The following SHISAL1 variants were observed in gnomAD, a reference collection of about 807,000 sequenced individuals.
The protein encoded by SHISAL1 is protein shisa-like-1.
In SHISAL1, 9 loss-of-function variants were observed where a neutral mutation model predicts 22.6. The observed-to-expected ratio is 0.40, with a 90% CI of 0.24 to 0.70. The LOEUF (loss-of-function observed/expected upper bound fraction) is 0.70. Among genes scored for constraint, SHISAL1 ranks in the 30% least tolerant of loss-of-function variants. SHISAL1 has a pLI of 0.39. For synonymous variants in SHISAL1, 119 were observed against 115.4 expected, an observed-to-expected ratio of 1.03 and a Z score of -0.20; for missense variants, 246 against 270.6, an observed-to-expected ratio of 0.91 and a Z score of 0.64.
the SHISAL1 span, among the ~76,000 whole-genome samples, chr22:44,323,392 CCCATT>C: frequency 1.7e-3 from 217 of 128,582 alleles, 2 homozygotes; most frequent in African/African-American, 3.1e-3. Flanking sequence ...CATCCATCCA[CCCATT>C]CATCCATCCA....
At chr22:44,330,708 G>T in the SHISAL1 span, among the ~76,000 whole-genome samples, 1 of 151,974 alleles carries the variant, frequency 6.6e-6, no homozygotes, top group Non-Finnish European at 1.5e-5. Flanking sequence ...TACTAATAAT[G>T]ATAATAATAA....
the SHISAL1 span, among the ~76,000 whole-genome samples, chr22:44,322,287 G>A: frequency 1.3e-5 from 2 of 152,232 alleles, no homozygotes; most frequent in African/African-American, 4.8e-5. Context: ...TCCCCATCAG[G>A]TTGGGGCTCC....
At chr22:44,258,382 A>G (rs912439809) in intron 4 of SHISAL1, among the ~76,000 whole-genome samples, 15 of 152,230 alleles carry the variant, frequency 9.9e-5, no homozygotes. Context: ...AACGTGTGTC[A>G]TGGGGGTTTG....
intron 3 of SHISAL1, among the ~76,000 whole-genome samples, chr22:44,296,117 C>T (rs145595859): frequency 5.3e-5 from 8 of 152,218 alleles, no homozygotes; most frequent in Admixed American, 2.0e-4. Flanking sequence ...TATGGTAACC[C>T]TGCAAAGTGA....
At chr22:44,257,432 GT>G (rs2055092228) in intron 4 of SHISAL1, among the ~76,000 whole-genome samples, 1 of 152,130 alleles carries the variant, frequency 6.6e-6, no homozygotes, top group Admixed American at 6.5e-5. Flanking sequence ...CTGGGCATTG[GT>G]CATTGAGATT....
At chr22:44,305,922 C>T (rs1265288104) in intron 1 of SHISAL1, among the ~76,000 whole-genome samples, 1 of 152,184 alleles carries the variant, frequency 6.6e-6, no homozygotes, top group African/African-American at 2.4e-5. Flanking sequence ...CTCCCCACGC[C>T]CCCAAGGCAG....
upstream of SHISAL1, among the ~76,000 whole-genome samples, chr22:44,314,785 G>A (rs191988350): frequency 5.0e-4 from 76 of 152,160 alleles, no homozygotes; most frequent in African/African-American, 1.7e-3. Context: ...CCCTGGAGAC[G>A]GCCCAGTGGA....
At chr22:44,320,717 G>T in the SHISAL1 span, among the ~76,000 whole-genome samples, 2 of 152,176 alleles carry the variant, frequency 1.3e-5, no homozygotes, top group Non-Finnish European at 2.9e-5. Context: ...GCTGTCCGGG[G>T]CTCGACCCCT....
chr22:44,269,473 C>T lies in SHISAL1; in HGVS notation c.599+15955G>A, dbSNP rs929753096. On this transcript the variant is annotated intron_variant, in intron 4 of 4. Coordinates refer to ENST00000381176, the MANE Select transcript of SHISAL1 (RefSeq NM_001099294.2). ...ATGCCACACAGACGCCCACAACACG[C>T]GCACACACACACACACACACTCCAT... Among the ~76,000 whole-genome samples, 84 of 22,776 alleles carry T rather than the reference C, an allele frequency of 3.7e-3. 1 individual carries two copies. The highest frequency in any genetic ancestry group is 0.012 in the African/African-American group (75 of 6,232). 14.9% of individuals were successfully genotyped at this position (22,776 alleles called of 152,430 possible). A position where few individuals can be genotyped will look rare whatever the true frequency, so the allele number is the denominator to read the frequency against.
At chr22:44,309,002 C>T (rs1310892805) in intron 1 of SHISAL1, among the ~76,000 whole-genome samples, 1 of 152,218 alleles carries the variant, frequency 6.6e-6, no homozygotes, top group Admixed American at 6.5e-5. Flanking sequence ...GGAGTCTGGG[C>T]CTTTGCCCAG....
At chr22:44,281,678 T>G (rs1056405324) in intron 4 of SHISAL1, among the ~76,000 whole-genome samples, 1 of 152,264 alleles carries the variant, frequency 6.6e-6, no homozygotes, top group Non-Finnish European at 1.5e-5. Context: ...CCTCAGGGGT[T>G]GTCCTGACTA....
chr22:44,326,181 A>G, the SHISAL1 span, among the ~76,000 whole-genome samples: 10 of 152,096 alleles, frequency 6.6e-5, no homozygotes, highest in African/African-American at 2.4e-4. Context: ...GCAAATCACC[A>G]TCGTTTCCGT....
Position 44,310,237 on chromosome 22 carries a change from G to A in SHISAL1, c.-33+2514C>T, listed in dbSNP as rs575844756. Among the ~76,000 whole-genome samples the A allele has an allele frequency of 6.6e-6, 1 of 152,350 alleles. No homozygotes were observed. Among genetic ancestry groups the A allele is most frequent in the Non-Finnish European group, 1.5e-5 (1 of 68,038 alleles). On this transcript the variant is annotated intron_variant, in intron 1 of 4. Transcript: ENST00000381176. The surrounding 1 kb of genome is among the most constrained non-coding windows in gnomAD (Gnocchi z 4.0). ...TCATCTCTATGGGCAGCACAGGCCT[G>A]ACACGTAGTAGGCACTTTATAAACA...
rs1180461624 is a variant in SHISAL1, at chr22:44,246,831, AAGG to A, written c.*2851_*2853del. On this transcript the variant is annotated 3_prime_UTR_variant, in exon 5 of 5. Coordinates refer to ENST00000381176, the MANE Select transcript of SHISAL1 (RefSeq NM_001099294.2). The stretch of plus-strand genomic sequence containing the variant: ...GTGGCTCGTGGGGGTGACCTGCAGG[AAGG>A]AGGATGCCGTGGCTGTCTGCACCAG... The A allele has an allele frequency of 5.8e-5, 1 of 17,258 alleles. No individual in the cohort carries two copies. Among genetic ancestry groups the A allele is most frequent in the Non-Finnish European group, 1.4e-4 (1 of 7,016 alleles). The allele number at this position is 17,258 out of a possible 1,614,324, so 1.1% of individuals were successfully genotyped here.
the SHISAL1 span, among the ~76,000 whole-genome samples, chr22:44,330,401 T>C: frequency 1.3e-5 from 2 of 152,108 alleles, no homozygotes; most frequent in African/African-American, 4.8e-5. Flanking sequence ...TGCCTTTAAG[T>C]GACAGGTGCA....
rs373042864 is a variant in SHISAL1 at position 44,246,843 on chromosome 22, G to GC, written c.*2841_*2842insG. Reference sequence around the variant, plus strand: ...GGTGACCTGCAGGAAGGAGGATGCCGTGGCTGTCTGCACCAGGTGTGCTGG... The same window carrying GC: ...GGTGACCTGCAGGAAGGAGGATGCCGCTGGCTGTCTGCACCAGGTGTGCTGG... On this transcript the variant is annotated 3_prime_UTR_variant, in exon 5 of 5. Transcript: ENST00000381176. 2.7e-5 allele frequency: 1 copy of GC among 36,534 alleles called. No homozygotes were observed. Among genetic ancestry groups the GC allele is most frequent in the Non-Finnish European group, 5.9e-5 (1 of 16,936 alleles). The allele number at this position is 36,534 out of a possible 1,614,324, so 2.3% of individuals were successfully genotyped here. A position where few individuals can be genotyped will look rare whatever the true frequency, so the allele number is the denominator to read the frequency against.
intron 4 of SHISAL1, among the ~76,000 whole-genome samples, chr22:44,263,721 C>T (rs771984115): frequency 6.6e-6 from 1 of 152,150 alleles, no homozygotes; most frequent in African/African-American, 2.4e-5. Flanking sequence ...GGCCACAAGC[C>T]GAGGAATGTG....
chr22:44,250,910 A>C (rs1016175889), intron 4 of SHISAL1, among the ~76,000 whole-genome samples: 1 of 152,118 alleles, frequency 6.6e-6, no homozygotes, highest in Non-Finnish European at 1.5e-5. Flanking sequence ...AGCAAAGCCC[A>C]CCTCCCCAGA....
chr22:44,309,264 T>A (rs1031937690), intron 1 of SHISAL1, among the ~76,000 whole-genome samples: 2 of 151,992 alleles, frequency 1.3e-5, no homozygotes, highest in Non-Finnish European at 2.9e-5. Flanking sequence ...GGGGAGGCGG[T>A]CACAGACAGT....
Sources: gnomAD v4.1 joint callset for allele counts (sites outside exome capture counted in the v4.1 genomes callset) on GRCh38, gnomAD v4.1.1 for gene constraint, Gnocchi (gnomAD v3.1) non-coding constraint, MANE v1.5 for transcripts, NCBI Gene and HGNC (gene_info 2026-07-23, HGNC 2026-07-21) for gene names.